Variants in TAF1A observed in about 807,000 individuals in gnomAD.
TAF1A encodes TATA-box binding protein associated factor, RNA polymerase I subunit A, also known as TATA box-binding protein-associated factor RNA polymerase I subunit A.
Under a neutral mutation model 61.6 loss-of-function variants are expected in TAF1A, and 42 were observed. The ratio of observed to expected loss-of-function variants is 0.68; its 90% CI spans 0.53 to 0.88. TAF1A has a LOEUF of 0.88. Among genes scored for constraint, TAF1A ranks in the 40% least tolerant of loss-of-function variants. The probability of loss-of-function intolerance (pLI) is 0.00; values close to 1 mark genes in which losing one functional copy is unlikely to be tolerated. For synonymous variants in TAF1A, 179 were observed against 177.7 expected (o/e 1.01, Z -0.06); for missense variants, 424 against 518.7 (o/e 0.82, Z 1.77).
In TAF1A at chr1:222,558,780, G is replaced by A. The variant is rs745927860; in HGVS notation, c.1241-8C>T. ...ACCGGAAATATCTACAACCTAAAAA[G>A]TTAAGCAAAATAAAAAGTTTTAATA... is the stretch of plus-strand genomic sequence containing the variant. On this transcript the variant is annotated splice_region_variant and splice_polypyrimidine_tract_variant and intron_variant, in intron 10 of 10. Coordinates refer to ENST00000352967, the MANE Select transcript of TAF1A (RefSeq NM_005681.4). 5 of 1,429,400 alleles carry A rather than the reference G, an allele frequency of 3.5e-6. No homozygotes were observed. Among genetic ancestry groups the A allele is most frequent in the Admixed American group, 4.7e-5 (2 of 43,000 alleles). 88.5% of individuals were successfully genotyped at this position (1,429,400 alleles called of 1,614,324 possible).
intron 7 of TAF1A, 120 bp from the exon 8 acceptor site, chr1:222,564,245 T>G: frequency 2.2e-6 from 1 of 454,634 alleles, no homozygotes; most frequent in Non-Finnish European, 3.9e-6. Flanking sequence ...TTATTAAGTA[T>G]TTTAAAAATA....
chr1:222,564,031 A>G (rs1315494099), intron 8 of TAF1A, 28 bp downstream of exon 8: 5 of 1,385,052 alleles, frequency 3.6e-6, no homozygotes, highest in East Asian at 4.6e-5. Flanking sequence ...TTGTCTACAC[A>G]AGGTATAAAA....
At chr1:222,574,520 G>A (rs1022405999) in intron 5 of TAF1A, among the ~76,000 whole-genome samples, 22 of 151,924 alleles carry the variant, frequency 1.4e-4, no homozygotes, top group South Asian at 6.2e-4. Context: ...TATGTGCACC[G>A]GTATACAGAA....
At chr1:222,589,272 T>C (rs1661154568) in intron 1 of TAF1A, among the ~76,000 whole-genome samples, 1 of 152,154 alleles carries the variant, frequency 6.6e-6, no homozygotes, top group Non-Finnish European at 1.5e-5. Context: ...CCCCTGATAC[T>C]ACCTCCAAAT....
intron 2 of TAF1A, among the ~76,000 whole-genome samples, chr1:222,586,285 C>CA (rs1322601448): frequency 6.6e-6 from 1 of 152,222 alleles, no homozygotes; most frequent in Non-Finnish European, 1.5e-5. Context: ...AGGAAACTGA[C>CA]AAAACACCTC....
At chr1:222,577,070 C>G (rs1660599147) in intron 5 of TAF1A, among the ~76,000 whole-genome samples, 2 of 150,968 alleles carry the variant, frequency 1.3e-5, no homozygotes, top group Non-Finnish European at 3.0e-5. Context: ...TTTTTAAGCT[C>G]CCCACCCCCA....
chr1:222,567,243 TA>T (rs1660152531), intron 7 of TAF1A, among the ~76,000 whole-genome samples: 1 of 152,152 alleles, frequency 6.6e-6, no homozygotes, highest in Admixed American at 6.6e-5. Context: ...GTACCTAGAA[TA>T]ATCAAATTCA....
chr1:222,580,758 G>T (rs1173731912), intron 3 of TAF1A, among the ~76,000 whole-genome samples: 1 of 144,528 alleles, frequency 6.9e-6, no homozygotes, highest in Non-Finnish European at 1.5e-5. Context: ...AATGCAGGGG[G>T]GGAAGAAAAG....
Position 222,561,538 on chromosome 1 carries a change from A to C in TAF1A, c.1086-20T>G, listed in dbSNP as rs1280811868. The C allele has an allele frequency of 1.3e-6, 2 of 1,582,934 alleles. No individual in the cohort carries two copies. The highest frequency in any genetic ancestry group is 2.7e-5 in the African/African-American group (2 of 73,444). On this transcript the variant is annotated intron_variant, in intron 9 of 10. Coordinates refer to ENST00000352967, the MANE Select transcript of TAF1A (RefSeq NM_005681.4). ...TGGTTTCTGGAAAAGAAAAATGTCA[A>C]AAGAGAGGGTCAATGATGGAAACAA...
At chr1:222,560,672 C>T (rs1400213331) in intron 10 of TAF1A, among the ~76,000 whole-genome samples, 4 of 152,156 alleles carry the variant, frequency 2.6e-5, no homozygotes, top group Non-Finnish European at 5.9e-5. Context: ...AAACCATATT[C>T]AAAAGTGAAT....
At chr1:222,560,669 A>T (rs535124928) in intron 10 of TAF1A, among the ~76,000 whole-genome samples, 4 of 152,224 alleles carry the variant, frequency 2.6e-5, no homozygotes, top group South Asian at 2.1e-4. Flanking sequence ...TAGAAACCAT[A>T]TTCAAAAGTG....
At chr1:222,587,880 T>C (rs1278703067) in intron 2 of TAF1A, among the ~76,000 whole-genome samples, 3 of 152,030 alleles carry the variant, frequency 2.0e-5, no homozygotes, top group African/African-American at 7.2e-5. Context: ...GGTGAAACCC[T>C]GTCTCTATTA....
intron 3 of TAF1A, among the ~76,000 whole-genome samples, chr1:222,582,249 T>G (rs1461006969): frequency 6.6e-6 from 1 of 152,208 alleles, no homozygotes; most frequent in Non-Finnish European, 1.5e-5. Flanking sequence ...TAGGAATTTA[T>G]AGGCAATTAT....
chr1:222,561,367 T>C lies in TAF1A; in HGVS notation c.1237A>G (p.Lys413Glu), dbSNP rs768821864. Residue 413 changes from lysine (K) to glutamate (E), a missense_variant, in exon 10 of 11, where the codon AAA becomes GAA. Physicochemically the swap from Lys to Glu is moderately conservative, Grantham distance 56. Transcript: ENST00000352967. ...KAFVAGLLLG[K>E]GCRYFRYILK... ...AAAACGAAAATAAAAACTGTACCTT[T>C]TCCTAACAGTAAACCAGCCACAAAA... The C allele has an allele frequency of 5.4e-5, 86 of 1,600,432 alleles. 1 individual carries two copies. The Admixed American group carries it at 1.5e-3, about 27-fold the overall frequency.
At position 222,577,447 on chromosome 1, in the gene TAF1A, A is replaced by G; in HGVS notation, c.602T>C (p.Leu201Pro). 1 of 1,613,658 alleles carries G rather than the reference A, an allele frequency of 6.2e-7. No homozygotes were observed. Residue 201 changes from leucine (L) to proline (P), a missense_variant and splice_region_variant, in exon 5 of 11, where the codon CTT becomes CCT. Physicochemically the swap from Leu to Pro is moderately conservative, Grantham distance 98. Coordinates refer to ENST00000352967, the MANE Select transcript of TAF1A (RefSeq NM_005681.4). ...AAAGTTTACCTGTATTCACTTACCA[A>G]GCTTTGACAATTCCATCTTCTTTTC... Reference protein sequence around the residue: ...WSEKKMELSKLDKDDYAYNAV... With the variant: ...WSEKKMELSKPDKDDYAYNAV...
At chr1:222,561,177 T>G (rs1659899061) in intron 10 of TAF1A, among the ~76,000 whole-genome samples, 187 bp downstream of exon 10, 1 of 152,166 alleles carries the variant, frequency 6.6e-6, no homozygotes. Flanking sequence ...ACAATCAATA[T>G]GAAATCACTG....
intron 4 of TAF1A, among the ~76,000 whole-genome samples, chr1:222,578,529 T>C (rs1160818925): frequency 3.3e-5 from 5 of 152,242 alleles, no homozygotes; most frequent in Admixed American, 6.5e-5. Flanking sequence ...TTATTGGATG[T>C]AGGGCTTTTA....
At chr1:222,555,667 T>A (rs1055820615), downstream of TAF1A, among the ~76,000 whole-genome samples, 1 of 152,174 alleles carries the variant, frequency 6.6e-6, no homozygotes, top group South Asian at 2.1e-4. Flanking sequence ...AGTACTGTAT[T>A]ACATACTTGT....
intron 4 of TAF1A, among the ~76,000 whole-genome samples, chr1:222,578,664 T>C (rs1183333210): frequency 6.6e-6 from 1 of 152,180 alleles, no homozygotes; most frequent in East Asian, 1.9e-4. Flanking sequence ...CCCTACCCAT[T>C]AAATCCCAAC....
Sources: allele counts gnomAD v4.1 joint callset (sites outside exome capture counted in the v4.1 genomes callset), GRCh38; gene constraint gnomAD v4.1.1; transcripts MANE v1.5; gene names NCBI Gene and HGNC (gene_info 2026-07-23, HGNC 2026-07-21).